Variants in RYR1 observed in about 807,000 individuals in gnomAD.
The protein encoded by RYR1 is central core disease of muscle.
A neutral mutation model predicts 583.5 loss-of-function variants in RYR1; 342 were observed. The ratio of observed to expected loss-of-function variants is 0.59; its 90% CI spans 0.54 to 0.64. RYR1 has a LOEUF of 0.64. Among genes scored for constraint, RYR1 ranks in the 30% least tolerant of loss-of-function variants. RYR1 has a pLI of 0.00. For missense variants in RYR1, 6,032 were observed against 6,917.2 expected, an observed-to-expected ratio of 0.87 and a Z score of 4.54; for synonymous variants, 2,791 against 2,822.5, an observed-to-expected ratio of 0.99 and a Z score of 0.35.
chr19:38,454,112 C>T (rs1465744273), intron 13 of RYR1, among the ~76,000 whole-genome samples: 1 of 152,234 alleles, frequency 6.6e-6, no homozygotes, highest in Non-Finnish European at 1.5e-5. Context: ...TCTTGGCTCA[C>T]TGCAACCTCC....
In RYR1 at chr19:38,565,288, G is replaced by A. The variant is rs886054405; in HGVS notation, c.12954G>A (p.Arg4318=). 8.9e-6 allele frequency: 9 copies of A among 1,014,044 alleles called. No homozygotes were observed. Among genetic ancestry groups the A allele is most frequent in the Non-Finnish European group, 3.5e-6 (3 of 850,384 alleles). 62.8% of individuals were successfully genotyped at this position (1,014,044 alleles called of 1,614,324 possible). A position where few individuals can be genotyped will look rare whatever the true frequency, so the allele number is the denominator to read the frequency against. ...ACCGCAGCCTGCGGCGGCGCGTGCG[G>A]CGGCTGCGGCGGCTTACGGCCCGCG... ...LSYRSLRRRV[R]RLRRLTAREA... The change falls in exon 91 of 106, where the codon CGG becomes CGA. Residue 4318 remains arginine, a synonymous_variant. Coordinates refer to ENST00000359596, the MANE Select transcript of RYR1 (RefSeq NM_000540.3). The surrounding 1 kb of genome is among the most constrained non-coding windows in gnomAD (Gnocchi z 4.7).
Position 38,446,007 on chromosome 19 carries a change from C to T in RYR1, c.632-465C>T, listed in dbSNP as rs190374298. ...GTCTTAAAAACAAAACTAAACAAAA[C>T]GAAACAAAAAAACCCTCAAAATTCA... On this transcript the variant is annotated intron_variant, in intron 7 of 105. Transcript: ENST00000359596. Among the ~76,000 whole-genome samples, 11 of 152,032 alleles carry T rather than the reference C, an allele frequency of 7.2e-5. No homozygotes were observed. In the East Asian group the frequency reaches 7.8e-4, roughly 11 times the overall value.
At chr19:38,505,981 G>A (rs752090482) in intron 54 of RYR1, 35 bp downstream of exon 54, 3 of 1,596,248 alleles carry the variant, frequency 1.9e-6, no homozygotes, top group Non-Finnish European at 1.7e-6. Context: ...GCAGGGGCAC[G>A]ATGGGGGGAG....
At chr19:38,576,316 A>G (rs538780864) in intron 97 of RYR1, among the ~76,000 whole-genome samples, 1 of 152,072 alleles carries the variant, frequency 6.6e-6, no homozygotes, top group South Asian at 2.1e-4. Flanking sequence ...TTAGCACGGT[A>G]CCGCATGCCT....
At position 38,504,200 on chromosome 19, in the gene RYR1, C is replaced by A. The variant is rs1378037561; in HGVS notation, c.7927-20C>A. 1 of 1,603,278 alleles carries A rather than the reference C, an allele frequency of 6.2e-7. No individual in the cohort carries two copies. Among genetic ancestry groups the A allele is most frequent in the African/African-American group, 1.3e-5 (1 of 74,720 alleles). ...CTGGTGCCCCCCTCATTTGTGTGTC[C>A]CCCTCTTGTTCCCACCCAGCTCCTC... On this transcript the variant is annotated intron_variant, in intron 49 of 105. Coordinates refer to ENST00000359596, the MANE Select transcript of RYR1 (RefSeq NM_000540.3).
intron 76 of RYR1, among the ~76,000 whole-genome samples, chr19:38,529,547 A>G (rs957053740): frequency 6.6e-6 from 1 of 152,226 alleles, no homozygotes. Context: ...ACACCGTTGC[A>G]TGGCTGAACA....
chr19:38,464,034 T>C (rs549623898), intron 22 of RYR1, among the ~76,000 whole-genome samples, 184 bp downstream of exon 22: 1 of 151,716 alleles, frequency 6.6e-6, no homozygotes, highest in Admixed American at 6.6e-5. Flanking sequence ...CCTAGCACTT[T>C]GGGAGGCCGA....
In RYR1 at chr19:38,528,651, A is replaced by G. The variant is rs1971591461; in HGVS notation, c.10990A>G (p.Thr3664Ala). The change falls in exon 75 of 106, where the codon ACT becomes GCT. Residue 3664 changes from threonine (T) to alanine (A), a missense_variant. Physicochemically the swap from Thr to Ala is moderately conservative, Grantham distance 58. Coordinates refer to ENST00000359596, the MANE Select transcript of RYR1 (RefSeq NM_000540.3). The stretch of plus-strand genomic sequence containing the variant: ...GAGCTACAAGGCTGCATGGATCCTG[A>G]CTGAAGACCACAGTTTTGAGGACCG... Reference protein sequence around the residue: ...LESYKAAWILTEDHSFEDRMI... With the variant: ...LESYKAAWILAEDHSFEDRMI... 1.9e-6 allele frequency: 3 copies of G among 1,614,160 alleles called. No individual in the cohort carries two copies. Among genetic ancestry groups the G allele is most frequent in the Admixed American group, 1.7e-5 (1 of 60,018 alleles).
chr19:38,473,701 G>C lies in RYR1; in HGVS notation c.4090G>C (p.Gly1364Arg), dbSNP rs35869497. The change falls in exon 28 of 106, where the codon GGG becomes CGG. Residue 1364 changes from glycine to arginine, a missense_variant. This residue lies in a region of RYR1 where 2,627 missense variants were observed against 2,961.3 expected (regional missense o/e 0.89). Transcript: ENST00000359596. ...CGCCCCCGGGGGCACCCCGCAGGCGGGGGGAGAGGCGCAGCCCGCCAGGGC... is the reference window on the plus strand; with the variant it reads ...CGCCCCCGGGGGCACCCCGCAGGCGCGGGGAGAGGCGCAGCCCGCCAGGGC... Reference protein sequence around the residue: ...EGAPGGTPQAGGEAQPARAEN... With the variant: ...EGAPGGTPQARGEAQPARAEN... 165 of 1,549,432 alleles carry C rather than the reference G, an allele frequency of 1.1e-4. No individual in the cohort carries two copies. Among genetic ancestry groups the C allele is most frequent in the African/African-American group, 9.6e-5 (7 of 73,068 alleles).
chr19:38,571,916 G>A, intron 94 of RYR1, 103 bp from the exon 95 acceptor site: 8 of 1,538,606 alleles, frequency 5.2e-6, no homozygotes, highest in Non-Finnish European at 7.1e-6. Context: ...CACCAAGACT[G>A]TATCTGGTAT....
rs750080558 is a variant in RYR1 at position 38,534,794 on chromosome 19, G to C, written c.11334G>C (p.Val3778=). The change falls in exon 79 of 106, where the codon GTG becomes GTC. Residue 3778 remains valine (V), a synonymous_variant. Transcript: ENST00000359596. ...ACACCCGGGGGGCGGCCGAGATGGT[G>C]CTGCAGATGATCAGTGCCTGCAAAG... ...RLHTRGAAEM[V]LQMISACKGE... 2 of 1,613,226 alleles carry C rather than the reference G, an allele frequency of 1.2e-6. No homozygotes were observed. Among genetic ancestry groups the C allele is most frequent in the Non-Finnish European group, 1.7e-6 (2 of 1,179,846 alleles).
chr19:38,469,546 T>G, intron 27 of RYR1, 33 bp downstream of exon 27: 1 of 1,593,484 alleles, frequency 6.3e-7, no homozygotes, highest in Non-Finnish European at 8.6e-7. Flanking sequence ...CCTTCTCATC[T>G]GCCTCCAAAG....
intron 1 of RYR1, among the ~76,000 whole-genome samples, chr19:38,435,553 G>A (rs1354835317): frequency 6.6e-6 from 1 of 152,112 alleles, no homozygotes; most frequent in East Asian, 1.9e-4. Flanking sequence ...CCAACATGGT[G>A]AAACCCCGTC....
chr19:38,570,454 AAATAAT>A (rs1011441338), intron 93 of RYR1, among the ~76,000 whole-genome samples, 147 bp from the exon 94 acceptor site: 2 of 152,054 alleles, frequency 1.3e-5, no homozygotes, highest in Non-Finnish European at 1.5e-5. Flanking sequence ...TCTGTCTCAA[AAATAAT>A]AATAATAATA....
In RYR1 at chr19:38,485,626, C is replaced by T. The variant is rs141107290; in HGVS notation, c.4971C>T (p.Asp1657=). ...MDILELSERL[D]LQRFHSHTLR... is the part of the protein sequence containing the mutation. ...TCCTGGAGCTGTCGGAGCGCCTGGA[C>T]CTGCAGCGCTTCCACTCGCACACCC... Residue 1657 remains aspartate (D), a synonymous_variant, in exon 34 of 106, where the codon GAC becomes GAT. Coordinates refer to ENST00000359596, the MANE Select transcript of RYR1 (RefSeq NM_000540.3). The T allele has an allele frequency of 8.1e-4, 1,298 of 1,610,200 alleles. 5 individuals carry two copies. Among genetic ancestry groups the T allele is most frequent in the Middle Eastern group, 3.9e-3 (23 of 5,900 alleles).
At chr19:38,468,037 CCATCCATCCAT>C (rs906898351) in intron 25 of RYR1, among the ~76,000 whole-genome samples, 1 of 143,402 alleles carries the variant, frequency 7.0e-6, no homozygotes, top group African/African-American at 2.6e-5. Context: ...ATCCATCCAT[CCATCCATCCAT>C]CATCCATCCA....
intron 64 of RYR1, among the ~76,000 whole-genome samples, chr19:38,515,716 T>TG (rs1295336718): frequency 6.6e-6 from 1 of 152,052 alleles, no homozygotes; most frequent in Non-Finnish European, 1.5e-5. Context: ...AAGGCTGAGA[T>TG]GGGGGGATCG....
intron 29 of RYR1, 149 bp from the exon 30 acceptor site, chr19:38,477,561 C>G (rs1968795150): frequency 7.9e-6 from 7 of 885,102 alleles, no homozygotes; most frequent in Non-Finnish European, 1.3e-5. Flanking sequence ...CAGAAACAGA[C>G]ATAACCAGGG....
At chr19:38,514,196 G>A (rs1159449233) in intron 63 of RYR1, among the ~76,000 whole-genome samples, 10 of 152,004 alleles carry the variant, frequency 6.6e-5, no homozygotes, top group South Asian at 2.1e-4. Context: ...TTGGGAGGCC[G>A]AGGTGGGCAA....
Sources: gnomAD v4.1 joint callset for allele counts (sites outside exome capture counted in the v4.1 genomes callset) on GRCh38, gnomAD v4.1.1 for gene constraint, gnomAD v4.1.1 regional missense constraint, Gnocchi (gnomAD v3.1) non-coding constraint, MANE v1.5 for transcripts, NCBI Gene and HGNC (gene_info 2026-07-23, HGNC 2026-07-21) for gene names.